Variants in STAU1 observed in about 807,000 individuals in gnomAD.
The protein encoded by STAU1 is double-stranded RNA-binding protein Staufen homolog 1.
STAU1 carries 13 observed loss-of-function variants against 62.9 expected under a neutral mutation model. The ratio of observed to expected loss-of-function variants is 0.21; its 90% confidence interval spans 0.13 to 0.33. The LOEUF (loss-of-function observed/expected upper bound fraction) is 0.33. Ranked by LOEUF, STAU1 falls within the 10% of genes least tolerant of loss-of-function variation. The pLI, the probability that STAU1 is intolerant of heterozygous loss-of-function variation, is 1.00. For missense variants in STAU1, 571 were observed against 712.1 expected (o/e 0.80, Z 2.25); for synonymous variants, 269 against 265.1 (o/e 1.01, Z -0.14).
intron 6 of STAU1, among the ~76,000 whole-genome samples, chr20:49,125,026 A>T (rs1415424624): frequency 2.0e-5 from 3 of 146,938 alleles, no homozygotes; most frequent in Non-Finnish European, 4.5e-5. Context: ...GAACGAGACA[A>T]ATCTCTTAAG....
intron 8 of STAU1, among the ~76,000 whole-genome samples, chr20:49,121,909 A>G (rs1464497070): frequency 6.6e-6 from 1 of 152,208 alleles, no homozygotes; most frequent in East Asian, 1.9e-4. Flanking sequence ...CCAGGTCACA[A>G]GACTCAGAGA....
chr20:49,147,796 C>T (rs567911711), intron 5 of STAU1, among the ~76,000 whole-genome samples: 1 of 152,280 alleles, frequency 6.6e-6, no homozygotes, highest in South Asian at 2.1e-4. Flanking sequence ...AATTTGGGTC[C>T]TCCAAGGAAT....
chr20:49,185,565 T>C (rs1378745662), intron 1 of STAU1, among the ~76,000 whole-genome samples: 1 of 152,170 alleles, frequency 6.6e-6, no homozygotes, highest in African/African-American at 2.4e-5. Context: ...TCTGGGGCAA[T>C]CTGGTAAAAG....
upstream of STAU1, among the ~76,000 whole-genome samples, chr20:49,190,672 A>C (rs1161217176): frequency 6.6e-6 from 1 of 152,130 alleles, no homozygotes; most frequent in Non-Finnish European, 1.5e-5. Flanking sequence ...ACTATCAGTC[A>C]AGTTCTCTTC....
At chr20:49,172,072 T>C (rs1280175867) in intron 2 of STAU1, among the ~76,000 whole-genome samples, 3 of 152,200 alleles carry the variant, frequency 2.0e-5, no homozygotes, top group African/African-American at 7.2e-5. Flanking sequence ...ATCTTTGCAC[T>C]TGCAATACAA....
intron 3 of STAU1, among the ~76,000 whole-genome samples, chr20:49,165,388 G>A (rs1325715541): frequency 6.6e-6 from 1 of 151,334 alleles, no homozygotes; most frequent in Non-Finnish European, 1.5e-5. Context: ...GCCCAGGCTG[G>A]AGTGAAGTGG....
At chr20:49,159,943 T>G (rs765558621) in intron 3 of STAU1, among the ~76,000 whole-genome samples, 1 of 152,256 alleles carries the variant, frequency 6.6e-6, no homozygotes, top group Non-Finnish European at 1.5e-5. Flanking sequence ...TAGTTTTGTG[T>G]GAGTGGTAAA....
chr20:49,213,241 T>C, the STAU1 span, among the ~76,000 whole-genome samples: 1 of 151,950 alleles, frequency 6.6e-6, no homozygotes, highest in Non-Finnish European at 1.5e-5. Flanking sequence ...TTTCTCAATT[T>C]TTTTTTTTAG....
At chr20:49,125,717 A>G (rs1040272077) in intron 6 of STAU1, among the ~76,000 whole-genome samples, 5 of 151,862 alleles carry the variant, frequency 3.3e-5, no homozygotes, top group South Asian at 2.1e-4. Flanking sequence ...GCGTGGTGGC[A>G]GGCGCCTGTA....
chr20:49,153,673 T>C (rs1045798996), intron 4 of STAU1, among the ~76,000 whole-genome samples: 22 of 120,794 alleles, frequency 1.8e-4, no homozygotes, highest in African/African-American at 6.5e-4. Flanking sequence ...ACTGCACCAC[T>C]GCACTCCAGC....
chr20:49,123,383 A>C (rs2092514400), intron 7 of STAU1, 148 bp from the exon 8 acceptor site: 4 of 937,464 alleles, frequency 4.3e-6, no homozygotes. Flanking sequence ...CATTTTAACA[A>C]TGAAAAGATG....
chr20:49,197,671 G>A, the STAU1 span, among the ~76,000 whole-genome samples: 1 of 152,022 alleles, frequency 6.6e-6, no homozygotes, highest in African/African-American at 2.4e-5. Context: ...CAAAGTGCTA[G>A]AATTACAGTC....
At chr20:49,135,762 A>G (rs1348705108) in intron 6 of STAU1, 71 bp downstream of exon 6, 3 of 1,163,298 alleles carry the variant, frequency 2.6e-6, no homozygotes, top group Non-Finnish European at 3.7e-6. Flanking sequence ...TATTTAGGGG[A>G]AAAAATAACT....
At chr20:49,115,305 T>C (rs1482951153) in intron 13 of STAU1, among the ~76,000 whole-genome samples, 3 of 152,002 alleles carry the variant, frequency 2.0e-5, no homozygotes, top group Non-Finnish European at 4.4e-5. Flanking sequence ...AAAAAGGTTT[T>C]TTTGTTTTTT....
intron 6 of STAU1, among the ~76,000 whole-genome samples, chr20:49,126,589 A>AAAAAAAAAAC (rs1555837256): frequency 4.5e-5 from 2 of 44,266 alleles, no homozygotes; most frequent in Admixed American, 1.9e-4. Flanking sequence ...AAAAAAAAAC[A>AAAAAAAAAAC]AAAAAAAAAC....
At chr20:49,125,091 A>AAAC in intron 6 of STAU1, among the ~76,000 whole-genome samples, 1 of 137,206 alleles carries the variant, frequency 7.3e-6, no homozygotes, top group African/African-American at 2.8e-5. Context: ...AAAAAAAAAA[A>AAAC]CCCACAAAAG....
chr20:49,195,535 C>CCAAAAAAAAAAAAAAAA, the STAU1 span, among the ~76,000 whole-genome samples: 1 of 38,146 alleles, frequency 2.6e-5, no homozygotes. Context: ...GACTCCGTCT[C>CCAAAAAAAAAAAAAAAA]AAAAAAAAAA....
At chr20:49,206,761 A>AT in the STAU1 span, among the ~76,000 whole-genome samples, 673 of 101,716 alleles carry the variant, frequency 6.6e-3, 15 homozygotes, top group African/African-American at 0.024. Context: ...ATTTTATTTT[A>AT]TTTTTTTTTT....
At chr20:49,167,863 C>A (rs964512596) in intron 2 of STAU1, among the ~76,000 whole-genome samples, 1 of 152,128 alleles carries the variant, frequency 6.6e-6, no homozygotes, top group Non-Finnish European at 1.5e-5. Context: ...ACAACACCAA[C>A]CACAGGTCTC....
Sources: gnomAD v4.1 joint callset for allele counts (sites outside exome capture counted in the v4.1 genomes callset) on GRCh38, gnomAD v4.1.1 for gene constraint, MANE v1.5 for transcripts, NCBI Gene and HGNC (gene_info 2026-07-23, HGNC 2026-07-21) for gene names.